The following SLC4A7 variants were observed in gnomAD, a reference collection of about 807,000 sequenced individuals.
SLC4A7 encodes solute carrier family 4 member 7.
SLC4A7 carries 51 observed loss-of-function variants against 137.6 expected under a neutral mutation model. The ratio of observed to expected loss-of-function variants is 0.37; its 90% CI spans 0.30 to 0.47. The LOEUF (loss-of-function observed/expected upper bound fraction) is 0.47. Among genes scored for constraint, SLC4A7 ranks in the 20% least tolerant of loss-of-function variants. SLC4A7 has a pLI of 1.00. For missense variants in SLC4A7, 1,247 were observed against 1,525.4 expected, an observed-to-expected ratio of 0.82 and a Z score of 3.04; for synonymous variants, 542 against 518.6, an observed-to-expected ratio of 1.05 and a Z score of -0.61.
chr3:27,452,561 A>C, intron 1 of SLC4A7, 63 bp from the exon 2 acceptor site: 1 of 1,012,604 alleles, frequency 9.9e-7, no homozygotes, highest in Non-Finnish European at 1.4e-6. Flanking sequence ...TATTATATGC[A>C]TCCTTTGAAA....
chr3:27,411,256 C>T (rs555695625), intron 12 of SLC4A7, among the ~76,000 whole-genome samples: 1 of 152,150 alleles, frequency 6.6e-6, no homozygotes, highest in African/African-American at 2.4e-5. Flanking sequence ...AATCTGTGCA[C>T]ATATACAAAG....
At chr3:27,415,076 G>A (rs1458066806) in intron 11 of SLC4A7, among the ~76,000 whole-genome samples, 2 of 152,056 alleles carry the variant, frequency 1.3e-5, no homozygotes, top group Non-Finnish European at 2.9e-5. Flanking sequence ...TTTCTACATA[G>A]CATCTAATGT....
Position 27,421,645 on chromosome 3 carries a change from C to T in SLC4A7, c.1401G>A (p.Leu467=). The part of the protein sequence containing the change: ...RLAPAVLLTG[L]TEVPVPTRFL... ...ACCTGGTTGGAACAGGGACCTCAGT[C>T]AACCCTGTAAGGAGGACAGCAGGAG... The change falls in exon 9 of 26, where the codon TTG becomes TTA. Residue 467 remains leucine (L), a synonymous_variant. Coordinates refer to ENST00000454389, the MANE Select transcript of SLC4A7 (RefSeq NM_001321103.2). 6.2e-7 allele frequency: 1 copy of T among 1,613,548 alleles called. No individual in the cohort carries two copies. The highest frequency in any genetic ancestry group is 1.1e-5 in the South Asian group (1 of 90,944).
intron 3 of SLC4A7, among the ~76,000 whole-genome samples, chr3:27,437,965 G>A (rs1412105814): frequency 6.6e-6 from 1 of 152,180 alleles, no homozygotes; most frequent in African/African-American, 2.4e-5. Context: ...GAGAGGCAGA[G>A]GCAAGTGTAC....
intron 3 of SLC4A7, among the ~76,000 whole-genome samples, chr3:27,439,568 T>C (rs2057026301): frequency 6.6e-6 from 1 of 152,186 alleles, no homozygotes; most frequent in Admixed American, 6.5e-5. Flanking sequence ...TATATAGAAA[T>C]ATAATTGATT....
chr3:27,377,117 A>C (rs956484238), intron 25 of SLC4A7, among the ~76,000 whole-genome samples: 2 of 152,122 alleles, frequency 1.3e-5, no homozygotes, highest in Non-Finnish European at 2.9e-5. Flanking sequence ...AAAATAGGGC[A>C]GTATATGGTC....
chr3:27,439,390 A>C (rs1031678316), intron 3 of SLC4A7, among the ~76,000 whole-genome samples: 2 of 152,226 alleles, frequency 1.3e-5, no homozygotes, highest in African/African-American at 4.8e-5. Flanking sequence ...ATAACCTAAG[A>C]CCTAGGCAGG....
chr3:27,411,815 T>A (rs576372690), intron 11 of SLC4A7, 67 bp from the exon 12 acceptor site: 61 of 645,326 alleles, frequency 9.5e-5, no homozygotes, highest in South Asian at 4.3e-4. Context: ...GCATCTTCAA[T>A]TAGAGTGAAT....
At chr3:27,438,105 G>A (rs1043278040) in intron 3 of SLC4A7, among the ~76,000 whole-genome samples, 21 of 151,850 alleles carry the variant, frequency 1.4e-4, no homozygotes, top group Admixed American at 1.1e-3. Context: ...GCTGAGGCAG[G>A]AGAATCGCTT....
Position 27,446,461 on chromosome 3 carries a change from A to G in SLC4A7, c.289+2190T>C, listed in dbSNP as rs558521227. ...AAAAGTCAAATATTTTCTTCATTAT[A>G]ATCTATTTTTGAAGCCCCTATACTT... On this transcript the variant is annotated intron_variant, in intron 3 of 25. Transcript: ENST00000454389. Among the ~76,000 whole-genome samples the G allele has an allele frequency of 3.3e-5, 5 of 152,276 alleles. No individual in the cohort carries two copies. The South Asian group carries it at 1.0e-3, about 32-fold the overall frequency.
At position 27,375,493 on chromosome 3, in the gene SLC4A7, C is replaced by T. The variant is rs149175032; in HGVS notation, c.*1271G>A. On this transcript the variant is annotated 3_prime_UTR_variant, in exon 26 of 26. Transcript: ENST00000454389. ...AAGCTCAGAAAAGCAAAAACTAATA[C>T]ACAAAATAAAAATGTCATTAATCTG... 8.5e-5 allele frequency: 13 copies of T among 152,414 alleles called. No homozygotes were observed. In the East Asian group the frequency reaches 2.5e-3, roughly 29 times the overall value. The allele number at this position is 152,414 out of a possible 1,614,324, so 9.4% of individuals were successfully genotyped here. A position where few individuals can be genotyped will look rare whatever the true frequency, so the allele number is the denominator to read the frequency against.
intron 1 of SLC4A7, among the ~76,000 whole-genome samples, chr3:27,479,008 G>GA (rs34346999): frequency 0.19 from 27,586 of 145,508 alleles, 2,858 homozygotes; most frequent in Non-Finnish European, 0.25. Context: ...CCTGTCTCAG[G>GA]AAAAAAAAAA....
chr3:27,469,202 TAGA>T (rs2059135113), intron 1 of SLC4A7, among the ~76,000 whole-genome samples: 2 of 152,232 alleles, frequency 1.3e-5, no homozygotes, highest in Admixed American at 6.5e-5. Context: ...ATCATCACCG[TAGA>T]AGATGACTTC....
chr3:27,484,158 G>A lies in SLC4A7; in HGVS notation c.-32C>T. ...CCGGCCAGCCCGTGACGGCCGCTAC[G>A]GTACTGCCCCGCGCGGTCTGCCTGC... On this transcript the variant is annotated 5_prime_UTR_variant, in exon 1 of 26. Transcript: ENST00000454389. The A allele has an allele frequency of 7.7e-7, 1 of 1,297,408 alleles. No individual in the cohort carries two copies. Among genetic ancestry groups the A allele is most frequent in the East Asian group, 3.2e-5 (1 of 30,898 alleles). 80.4% of individuals were successfully genotyped at this position (1,297,408 alleles called of 1,614,324 possible).
intron 1 of SLC4A7, among the ~76,000 whole-genome samples, chr3:27,481,404 AT>A (rs199942630): frequency 0.013 from 1,992 of 152,234 alleles, 130 homozygotes; most frequent in Admixed American, 0.12. Context: ...TCTATTCAAC[AT>A]TTTTTTGCAT....
At chr3:27,379,684 C>T (rs948655945) in intron 24 of SLC4A7, among the ~76,000 whole-genome samples, 2 of 151,622 alleles carry the variant, frequency 1.3e-5, no homozygotes, top group East Asian at 1.9e-4. Context: ...AAATAACATA[C>T]GACTATGTTA....
chr3:27,483,795 G>A (rs996903800), intron 1 of SLC4A7, among the ~76,000 whole-genome samples: 1 of 151,836 alleles, frequency 6.6e-6, no homozygotes, highest in African/African-American at 2.4e-5. Flanking sequence ...GGGGATGTCG[G>A]GGTCCCGCCT....
intron 18 of SLC4A7, among the ~76,000 whole-genome samples, chr3:27,395,754 T>C (rs1334141589): frequency 1.3e-5 from 2 of 152,148 alleles, no homozygotes; most frequent in Non-Finnish European, 2.9e-5. Context: ...TATTCAAAAG[T>C]TTGTTATGTA....
At chr3:27,387,994 A>C (rs2051149009) in intron 22 of SLC4A7, among the ~76,000 whole-genome samples, 3 of 152,130 alleles carry the variant, frequency 2.0e-5, no homozygotes, top group Non-Finnish European at 4.4e-5. Context: ...TTTAAAATTT[A>C]TTCTTAAGTA....
Sources: allele counts gnomAD v4.1 joint callset (sites outside exome capture counted in the v4.1 genomes callset), GRCh38; gene constraint gnomAD v4.1.1; transcripts MANE v1.5; gene names NCBI Gene and HGNC (gene_info 2026-07-23, HGNC 2026-07-21).